Variants in AFF2 observed in about 807,000 individuals in gnomAD.
AFF2 encodes AF4/FMR2 family member 2.
AFF2 carries 14 observed loss-of-function variants against 76.9 expected under a neutral mutation model. The observed-to-expected ratio is 0.18, with a 90% CI of 0.12 to 0.28. The LOEUF (loss-of-function observed/expected upper bound fraction) is 0.28. Among genes scored for constraint, AFF2 ranks in the 10% least tolerant of loss-of-function variants. The pLI, the probability that AFF2 is intolerant of heterozygous loss-of-function variation, is 1.00. For synonymous variants in AFF2, 398 were observed against 366.7 expected, an observed-to-expected ratio of 1.09 and a Z score of -0.98; for missense variants, 868 against 1,001.1, an observed-to-expected ratio of 0.87 and a Z score of 1.79.
chrX:148,653,409 C>T (rs376947955), intron 2 of AFF2, among the ~76,000 whole-genome samples: 13 of 111,931 alleles, frequency 1.2e-4, no homozygotes, highest in East Asian at 1.1e-3. Context: ...AGTTCCTAGT[C>T]GAGTGGCAGA....
At chrX:148,988,285 C>G (rs910027234) in intron 20 of AFF2, among the ~76,000 whole-genome samples, 23 of 111,956 alleles carry the variant, frequency 2.1e-4, no homozygotes, top group African/African-American at 7.1e-4. Flanking sequence ...CTGATTCTGG[C>G]CCAGCAGTCA....
At chrX:148,602,599 T>C (rs2053636486) in intron 1 of AFF2, among the ~76,000 whole-genome samples, 1 of 110,418 alleles carries the variant, frequency 9.1e-6, no homozygotes, top group South Asian at 3.9e-4. Context: ...GGTAGGTAGA[T>C]GAAATTTGCT....
intron 9 of AFF2, among the ~76,000 whole-genome samples, chrX:148,914,384 C>G (rs2071504285): frequency 9.0e-6 from 1 of 111,541 alleles, no homozygotes; most frequent in African/African-American, 3.3e-5. Flanking sequence ...GCCAGTATAC[C>G]TAAAGCATCA....
At chrX:148,966,623 A>C (rs16994890) in intron 13 of AFF2, among the ~76,000 whole-genome samples, 167 bp from the exon 14 acceptor site, 2 of 110,059 alleles carry the variant, frequency 1.8e-5, no homozygotes, top group African/African-American at 6.6e-5. Flanking sequence ...CATGGCGTTC[A>C]TAAAATATCC....
At chrX:148,523,327 A>T (rs2124223262) in intron 1 of AFF2, among the ~76,000 whole-genome samples, 1 of 112,421 alleles carries the variant, frequency 8.9e-6, no homozygotes, top group African/African-American at 3.2e-5. Context: ...TACCCCATTC[A>T]TGTAATTAAA....
intron 3 of AFF2, among the ~76,000 whole-genome samples, chrX:148,706,794 A>G (rs1467598764): frequency 8.9e-6 from 1 of 112,567 alleles, no homozygotes; most frequent in African/African-American, 3.2e-5. Context: ...GTGGGGAAAA[A>G]TCATTGGCCA....
intron 3 of AFF2, among the ~76,000 whole-genome samples, chrX:148,679,002 A>T (rs1557259708): frequency 9.0e-6 from 1 of 110,677 alleles, no homozygotes; most frequent in Non-Finnish European, 1.9e-5. Context: ...GTCAAAACCC[A>T]TGTTAAAGTT....
intron 1 of AFF2, among the ~76,000 whole-genome samples, chrX:148,582,772 C>A (rs1241511598): frequency 8.9e-6 from 1 of 112,097 alleles, no homozygotes; most frequent in Non-Finnish European, 1.9e-5. Flanking sequence ...AACATTTGCT[C>A]ACACCAGAAC....
In AFF2 at chrX:148,776,510, C is replaced by T. The variant is rs891984758; in HGVS notation, c.1042-33366C>T. Among the ~76,000 whole-genome samples the T allele has an allele frequency of 2.0e-4, 22 of 112,328 alleles. 2 individuals carry two copies. In the Admixed American group the frequency reaches 2.0e-3, roughly 10 times the overall value. ...AAGCATTCCTATTTCTCCACACTCT[C>T]TCCAGCATCTGTTGTTTCCTTACTT... On this transcript the variant is annotated intron_variant, in intron 3 of 20. Coordinates refer to ENST00000370460, the MANE Select transcript of AFF2 (RefSeq NM_002025.4).
At chrX:148,805,058 C>T (rs1557271202) in intron 3 of AFF2, among the ~76,000 whole-genome samples, 1 of 111,692 alleles carries the variant, frequency 9.0e-6, no homozygotes. Context: ...TTTGGTAGTA[C>T]AGTATCATAA....
At chrX:148,963,076 T>A (rs1489592431) in intron 13 of AFF2, 139 bp downstream of exon 13, 2 of 453,360 alleles carry the variant, frequency 4.4e-6, no homozygotes, top group Non-Finnish European at 7.7e-6. Context: ...TGTATACAAA[T>A]ACACAAACTT....
At chrX:148,911,170 A>G (rs1372698752) in intron 9 of AFF2, among the ~76,000 whole-genome samples, 2 of 110,590 alleles carry the variant, frequency 1.8e-5, no homozygotes, top group African/African-American at 6.6e-5. Context: ...GTGCACACAC[A>G]TAATGCCTTT....
intron 7 of AFF2, among the ~76,000 whole-genome samples, chrX:148,853,372 G>T (rs2124012097): frequency 9.0e-6 from 1 of 111,629 alleles, no homozygotes; most frequent in East Asian, 2.9e-4. Flanking sequence ...AGTGGCTTAA[G>T]TTCCAGCGCT....
intron 3 of AFF2, among the ~76,000 whole-genome samples, chrX:148,738,790 G>T (rs1557265370): frequency 1.8e-5 from 2 of 111,462 alleles, no homozygotes; most frequent in East Asian, 5.7e-4. Context: ...CACCTTTGCT[G>T]TATCCCAGAA....
intron 1 of AFF2, among the ~76,000 whole-genome samples, chrX:148,577,030 C>T (rs1557243569): frequency 9.0e-6 from 1 of 111,405 alleles, no homozygotes; most frequent in Non-Finnish European, 1.9e-5. Flanking sequence ...ACTTAATTTA[C>T]AATAAAATAG....
intron 3 of AFF2, among the ~76,000 whole-genome samples, chrX:148,758,541 T>G (rs908069041): frequency 6.2e-5 from 7 of 112,005 alleles, no homozygotes; most frequent in African/African-American, 2.3e-4. Flanking sequence ...TATGTCTCTA[T>G]CTGGTTATTT....
chrX:148,835,853 C>CAA (rs1283017325), intron 4 of AFF2, among the ~76,000 whole-genome samples: 1 of 110,810 alleles, frequency 9.0e-6, no homozygotes, highest in Non-Finnish European at 1.9e-5. Context: ...TACATTATTA[C>CAA]TATTAATAAC....
In AFF2 at chrX:148,608,464, T is replaced by A. The variant is rs782191317; in HGVS notation, c.48-43535T>A. Among the ~76,000 whole-genome samples the A allele has an allele frequency of 9.9e-5, 11 of 110,910 alleles. No individual in the cohort carries two copies. The Admixed American group carries it at 1.1e-3, about 11-fold the overall frequency. ...GTAGTTGCTTGGCTCTGGAGGAAGCTAAGGCTTGTATTCTTTATTGGTAGG... is the reference window on the plus strand; with the variant it reads ...GTAGTTGCTTGGCTCTGGAGGAAGCAAAGGCTTGTATTCTTTATTGGTAGG... On this transcript the variant is annotated intron_variant, in intron 1 of 20. Transcript: ENST00000370460.
At chrX:148,813,190 G>A (rs1216235484) in intron 4 of AFF2, among the ~76,000 whole-genome samples, 1 of 111,771 alleles carries the variant, frequency 8.9e-6, no homozygotes, top group Admixed American at 9.5e-5. Flanking sequence ...GTCCAGGGTG[G>A]GGCTGGTATG....
Sources: allele counts gnomAD v4.1 joint callset (sites outside exome capture counted in the v4.1 genomes callset), GRCh38; gene constraint gnomAD v4.1.1; transcripts MANE v1.5; gene names NCBI Gene and HGNC (gene_info 2026-07-23, HGNC 2026-07-21).